TSHZ1: variants seen among roughly 807,000 people sequenced by gnomAD.
TSHZ1 encodes teashirt zinc finger homeobox 1.
In TSHZ1, 12 loss-of-function variants were observed where a neutral mutation model predicts 67.1. The observed-to-expected ratio is 0.18, with a 90% confidence interval of 0.11 to 0.29. TSHZ1 has a LOEUF of 0.29. TSHZ1 is among the 10% of genes least tolerant of loss of function. The pLI is 1.00. For synonymous variants in TSHZ1, 632 were observed against 622.4 expected (o/e 1.02, Z -0.23); for missense variants, 1,305 against 1,413.9 (o/e 0.92, Z 1.23).
At chr18:75,229,601 C>T (rs1044692299) in intron 1 of TSHZ1, among the ~76,000 whole-genome samples, 5 of 152,332 alleles carry the variant, frequency 3.3e-5, no homozygotes, top group East Asian at 3.9e-4. Context: ...GACTGAAGCC[C>T]CTCCTTGGGG....
chr18:75,217,952 T>C (rs994720744), intron 1 of TSHZ1, among the ~76,000 whole-genome samples: 8 of 152,198 alleles, frequency 5.3e-5, no homozygotes. Flanking sequence ...GGGGGATTCT[T>C]TCTGTTTTTA....
intron 1 of TSHZ1, among the ~76,000 whole-genome samples, chr18:75,237,788 TTTC>T (rs2023094731): frequency 1.1e-5 from 1 of 87,720 alleles, no homozygotes; most frequent in Non-Finnish European, 2.7e-5. Context: ...GCCTTCTTTC[TTTC>T]ATTTATTTAT....
chr18:75,260,200 C>T (rs908870158), intron 1 of TSHZ1, among the ~76,000 whole-genome samples: 9 of 151,960 alleles, frequency 5.9e-5, no homozygotes, highest in Non-Finnish European at 1.3e-4. Context: ...TCTCGTGTTT[C>T]CCTGGCCTTC....
intron 1 of TSHZ1, among the ~76,000 whole-genome samples, chr18:75,268,582 A>G (rs2023520261): frequency 6.6e-6 from 1 of 152,052 alleles, no homozygotes. Flanking sequence ...CACTCTGACC[A>G]CCTAAATCAG....
At chr18:75,237,787 CTTTCATTT>C (rs1481569967) in intron 1 of TSHZ1, among the ~76,000 whole-genome samples, 1,288 of 104,308 alleles carry the variant, frequency 0.012, 25 homozygotes, top group African/African-American at 0.036. Context: ...AGCCTTCTTT[CTTTCATTT>C]ATTTATTTAT....
chr18:75,268,637 T>C (rs1188829013), intron 1 of TSHZ1, among the ~76,000 whole-genome samples: 3 of 152,216 alleles, frequency 2.0e-5, no homozygotes, highest in Non-Finnish European at 4.4e-5. Context: ...TGCAAATGAC[T>C]GCGGTGATTG....
chr18:75,211,247 T>G lies in TSHZ1; in HGVS notation c.-630T>G, dbSNP rs1219879489. The G allele has an allele frequency of 6.6e-6, 1 of 151,926 alleles. No homozygotes were observed. The highest frequency in any genetic ancestry group is 6.6e-5 in the Admixed American group (1 of 15,260). The allele number at this position is 151,926 out of a possible 1,614,324, so 9.4% of individuals were successfully genotyped here. A position where few individuals can be genotyped will look rare whatever the true frequency, so the allele number is the denominator to read the frequency against. ...CTGACATCTCCCCCCGGCGCATGTA[T>G]GTACGGGGGCTTCACTCCTCTGTCT... On this transcript the variant is annotated 5_prime_UTR_variant, in exon 1 of 2. An upstream start codon of the reference 5' UTR is lost. Coordinates refer to ENST00000580243, the MANE Select transcript of TSHZ1 (RefSeq NM_001308210.2).
At chr18:75,231,716 G>A (rs1015894826) in intron 1 of TSHZ1, among the ~76,000 whole-genome samples, 2 of 151,876 alleles carry the variant, frequency 1.3e-5, no homozygotes, top group African/African-American at 4.8e-5. Context: ...TGTATTTTTA[G>A]TAGAGACAGG....
chr18:75,218,307 G>C (rs1376459874), intron 1 of TSHZ1, among the ~76,000 whole-genome samples: 5 of 152,214 alleles, frequency 3.3e-5, no homozygotes, highest in Non-Finnish European at 5.9e-5. Context: ...CAGCCCAGCT[G>C]TCTGCGTGTG....
intron 1 of TSHZ1, among the ~76,000 whole-genome samples, chr18:75,229,745 C>G (rs192035820): frequency 3.4e-4 from 52 of 152,330 alleles, no homozygotes; most frequent in African/African-American, 1.2e-3. Flanking sequence ...AAAGTGCTAA[C>G]CCAAGTCAGG....
chr18:75,237,497 G>A (rs1233754232), intron 1 of TSHZ1, among the ~76,000 whole-genome samples: 1 of 152,146 alleles, frequency 6.6e-6, no homozygotes, highest in Non-Finnish European at 1.5e-5. Context: ...ACTCTAGCCT[G>A]GGCAACCGAG....
At chr18:75,251,574 T>C (rs1420067284) in intron 1 of TSHZ1, among the ~76,000 whole-genome samples, 1 of 151,458 alleles carries the variant, frequency 6.6e-6, no homozygotes, top group African/African-American at 2.4e-5. Flanking sequence ...CATCTATCTT[T>C]CCATTTCTAG....
rs527971932 is a variant in TSHZ1, at chr18:75,278,945, C to T, written c.41-6503C>T. ...CATGGGGCGCCCTCCTGCCCACCTCCGTCTGTGGGGTCGTTGAGTCCCTTG... is the reference window on the plus strand; with the variant it reads ...CATGGGGCGCCCTCCTGCCCACCTCTGTCTGTGGGGTCGTTGAGTCCCTTG... On this transcript the variant is annotated intron_variant, in intron 1 of 1. Transcript: ENST00000580243. 3.5e-4 allele frequency among the ~76,000 whole-genome samples: 54 copies of T among 152,244 alleles called. No individual in the cohort carries two copies. The South Asian group carries it at 0.01, about 29-fold the overall frequency.
At chr18:75,231,947 C>T (rs777728421) in intron 1 of TSHZ1, among the ~76,000 whole-genome samples, 6 of 151,450 alleles carry the variant, frequency 4.0e-5, no homozygotes, top group Non-Finnish European at 4.4e-5. Flanking sequence ...CTCGCTTTGT[C>T]ACCCAGGCTG....
At chr18:75,224,364 C>A (rs2022892945) in intron 1 of TSHZ1, among the ~76,000 whole-genome samples, 1 of 152,132 alleles carries the variant, frequency 6.6e-6, no homozygotes, top group African/African-American at 2.4e-5. Context: ...GATGTCTGTT[C>A]CTCACCTTCA....
intron 1 of TSHZ1, among the ~76,000 whole-genome samples, chr18:75,216,636 C>G (rs2022771963): frequency 1.3e-5 from 2 of 152,234 alleles, no homozygotes; most frequent in Non-Finnish European, 2.9e-5. Flanking sequence ...TTAGAAATCA[C>G]TTTGCCCTAT....
At chr18:75,252,017 A>G (rs772690451) in intron 1 of TSHZ1, among the ~76,000 whole-genome samples, 2 of 152,220 alleles carry the variant, frequency 1.3e-5, no homozygotes, top group Non-Finnish European at 2.9e-5. Flanking sequence ...ACCAAAATTG[A>G]TATTTGGGTA....
intron 1 of TSHZ1, among the ~76,000 whole-genome samples, chr18:75,269,410 G>T (rs528369276): frequency 1.3e-5 from 2 of 152,048 alleles, no homozygotes; most frequent in Non-Finnish European, 1.5e-5. Context: ...CACTAGACCC[G>T]TGGTTACCTC....
chr18:75,237,228 T>C (rs2023084717), intron 1 of TSHZ1, among the ~76,000 whole-genome samples: 1 of 152,110 alleles, frequency 6.6e-6, no homozygotes, highest in Admixed American at 6.5e-5. Context: ...ATGTATGAAA[T>C]AAGAACAGTC....
Sources: allele counts gnomAD v4.1 joint callset (sites outside exome capture counted in the v4.1 genomes callset), GRCh38; gene constraint gnomAD v4.1.1; transcripts MANE v1.5; gene names NCBI Gene and HGNC (gene_info 2026-07-23, HGNC 2026-07-21).